Variants in PBK observed in about 807,000 individuals in gnomAD.
PBK encodes lymphokine-activated killer T-cell-originated protein kinase.
PBK carries 22 observed loss-of-function variants against 33.5 expected under a neutral mutation model. The ratio of observed to expected loss-of-function variants is 0.66; its 90% CI spans 0.47 to 0.94. The LOEUF (loss-of-function observed/expected upper bound fraction) is 0.94. Ranked by LOEUF, PBK falls within the 40% of genes least tolerant of loss-of-function variation. The probability of loss-of-function intolerance (pLI) is 0.00; values close to 1 mark genes in which losing one functional copy is unlikely to be tolerated. For missense variants in PBK, 376 were observed against 383.4 expected, an observed-to-expected ratio of 0.98 and a Z score of 0.16; for synonymous variants, 129 against 123.8, an observed-to-expected ratio of 1.04 and a Z score of -0.28.
rs548632577 is a variant in PBK, at chr8:27,810,226, A to G, written c.*79T>C. 7 of 962,838 alleles carry G rather than the reference A, an allele frequency of 7.3e-6. No individual in the cohort carries two copies. Among genetic ancestry groups the G allele is most frequent in the African/African-American group, 6.6e-5 (4 of 60,706 alleles). The allele number at this position is 962,838 out of a possible 1,614,324, so 59.6% of individuals were successfully genotyped here. On this transcript the variant is annotated 3_prime_UTR_variant, in exon 8 of 8. Transcript: ENST00000301905. The stretch of plus-strand genomic sequence containing the variant: ...TCAAATATGCCAATTTTAGAGTCTA[A>G]TAACTACTGATAGTAACTATGTAAA...
In PBK at chr8:27,820,549, T is replaced by G. The variant is rs200391452; in HGVS notation, c.595+16A>C. 6.7e-7 allele frequency: 1 copy of G among 1,488,798 alleles called. No homozygotes were observed. The highest frequency in any genetic ancestry group is 9.2e-7 in the Non-Finnish European group (1 of 1,091,176). The allele number at this position is 1,488,798 out of a possible 1,614,324, so 92.2% of individuals were successfully genotyped here. A position where few individuals can be genotyped will look rare whatever the true frequency, so the allele number is the denominator to read the frequency against. On this transcript the variant is annotated intron_variant, in intron 6 of 7. Transcript: ENST00000301905. ...GTATTAAAAACAAAATTTTAAAACT[T>G]AAGAGTACAACTTACCAGTCATATT...
intron 1 of PBK, among the ~76,000 whole-genome samples, chr8:27,837,056 G>T (rs1186466440): frequency 6.8e-6 from 1 of 147,526 alleles, no homozygotes; most frequent in Non-Finnish European, 1.5e-5. Context: ...AGGTTCTCAT[G>T]AAGATGACAG....
At position 27,823,022 on chromosome 8, in the gene PBK, C is replaced by G. The variant is rs189152903; in HGVS notation, c.295+41G>C. 16 of 1,389,534 alleles carry G rather than the reference C, an allele frequency of 1.2e-5. No homozygotes were observed. The Admixed American group carries it at 3.0e-4, about 26-fold the overall frequency. 86.1% of individuals were successfully genotyped at this position (1,389,534 alleles called of 1,614,324 possible). A position where few individuals can be genotyped will look rare whatever the true frequency, so the allele number is the denominator to read the frequency against. On this transcript the variant is annotated intron_variant, in intron 4 of 7. Coordinates refer to ENST00000301905, the MANE Select transcript of PBK (RefSeq NM_018492.4). The stretch of plus-strand genomic sequence containing the variant: ...AGCATATAAGCTGTTTCTGAATAAA[C>G]AAAATAATATACCAGATACTGCTAC...
intron 1 of PBK, among the ~76,000 whole-genome samples, chr8:27,836,355 T>G (rs1806228214): frequency 6.6e-6 from 1 of 151,930 alleles, no homozygotes; most frequent in African/African-American, 2.4e-5. Flanking sequence ...TCTACTCAAC[T>G]GTAGTCACAG....
chr8:27,826,513 G>A (rs1806025916), intron 3 of PBK, among the ~76,000 whole-genome samples: 1 of 152,178 alleles, frequency 6.6e-6, no homozygotes, highest in African/African-American at 2.4e-5. Context: ...GGGTCAGGCA[G>A]GCACTGCTGT....
chr8:27,837,080 G>A (rs571995265), intron 1 of PBK, among the ~76,000 whole-genome samples: 1 of 152,236 alleles, frequency 6.6e-6, no homozygotes, highest in South Asian at 2.1e-4. Context: ...AAAAAACAGT[G>A]AATATTTAGA....
chr8:27,833,644 T>C (rs1180295817), intron 1 of PBK, among the ~76,000 whole-genome samples: 2 of 152,182 alleles, frequency 1.3e-5, no homozygotes, highest in East Asian at 1.9e-4. Context: ...GTACAATTAC[T>C]TACCCCCATC....
chr8:27,809,735 A>C lies in PBK; in HGVS notation c.*570T>G, dbSNP rs1468083057. 1 of 151,522 alleles carries C rather than the reference A, an allele frequency of 6.6e-6. No individual in the cohort carries two copies. Among genetic ancestry groups the C allele is most frequent in the African/African-American group, 2.4e-5 (1 of 41,002 alleles). 9.4% of individuals were successfully genotyped at this position (151,522 alleles called of 1,614,324 possible). ...AATAAATTTTAAACTCAGTATGGAAAATACATTTAATAAATTAAAGCAAAA... is the reference window on the plus strand; with the variant it reads ...AATAAATTTTAAACTCAGTATGGAACATACATTTAATAAATTAAAGCAAAA... On this transcript the variant is annotated 3_prime_UTR_variant, in exon 8 of 8. Transcript: ENST00000301905.
Position 27,820,563 on chromosome 8 carries a change from AC to A in PBK, c.595+1del. Reference sequence around the variant, plus strand: ...ATTTTAAAACTTAAGAGTACAACTTACCAGTCATATTTTCATCCAGTGGTAG... The same window carrying A: ...ATTTTAAAACTTAAGAGTACAACTTACAGTCATATTTTCATCCAGTGGTAG... On this transcript the variant is annotated splice_donor_variant, in intron 6 of 7. Transcript: ENST00000301905. LOFTEE classifies it high-confidence loss of function. 6.4e-7 allele frequency: 1 copy of A among 1,552,046 alleles called. No homozygotes were observed. The highest frequency in any genetic ancestry group is 8.8e-7 in the Non-Finnish European group (1 of 1,139,294).
At position 27,820,716 on chromosome 8, in the gene PBK, C is replaced by T. The variant is rs751696715; in HGVS notation, c.466-22G>A. The stretch of plus-strand genomic sequence containing the variant: ...GATACTAAAATAGTAAAAAATTTAA[C>T]ACATATGTGCAGAAACACAAACTAA... On this transcript the variant is annotated intron_variant, in intron 5 of 7. Transcript: ENST00000301905. 1.1e-5 allele frequency: 16 copies of T among 1,402,766 alleles called. No homozygotes were observed. The South Asian group carries it at 1.9e-4, about 17-fold the overall frequency. The allele number at this position is 1,402,766 out of a possible 1,614,324, so 86.9% of individuals were successfully genotyped here.
intron 3 of PBK, among the ~76,000 whole-genome samples, chr8:27,825,820 A>AAGAT (rs1235857457): frequency 6.6e-6 from 1 of 152,234 alleles, no homozygotes; most frequent in African/African-American, 2.4e-5. Flanking sequence ...TCTCAGAAAA[A>AAGAT]AGATAGCGAA....
intron 6 of PBK, among the ~76,000 whole-genome samples, chr8:27,815,726 C>T (rs978916095): frequency 7.2e-5 from 11 of 152,160 alleles, no homozygotes; most frequent in African/African-American, 2.7e-4. Context: ...ATTTGAGACT[C>T]GAACCACAAG....
At chr8:27,813,901 TATG>T (rs1563488246) in intron 6 of PBK, among the ~76,000 whole-genome samples, 1 of 151,120 alleles carries the variant, frequency 6.6e-6, no homozygotes, top group Admixed American at 6.6e-5. Context: ...GATATTGGAC[TATG>T]ATTTTTTTTT....
At position 27,810,003 on chromosome 8, in the gene PBK, G is replaced by C. The variant is rs899022993; in HGVS notation, c.*302C>G. On this transcript the variant is annotated 3_prime_UTR_variant, in exon 8 of 8. Transcript: ENST00000301905. Reference sequence around the variant, plus strand: ...AAGAAAGATCATTAATAAAAGTAATGGTCATTCAATTTAATGTTACAGTTT... The same window carrying C: ...AAGAAAGATCATTAATAAAAGTAATCGTCATTCAATTTAATGTTACAGTTT... The C allele has an allele frequency of 3.3e-6, 1 of 300,878 alleles. No individual in the cohort carries two copies. The highest frequency in any genetic ancestry group is 6.1e-6 in the Non-Finnish European group (1 of 163,418). 18.6% of individuals were successfully genotyped at this position (300,878 alleles called of 1,614,324 possible).
At chr8:27,823,334 G>A in intron 3 of PBK, 129 bp from the exon 4 acceptor site, 1 of 600,386 alleles carries the variant, frequency 1.7e-6, no homozygotes, top group Non-Finnish European at 2.9e-6. Context: ...AAAATAGTTT[G>A]GACTATGAAC....
At chr8:27,833,450 G>A (rs952398009) in intron 1 of PBK, among the ~76,000 whole-genome samples, 12 of 151,900 alleles carry the variant, frequency 7.9e-5, no homozygotes, top group African/African-American at 2.4e-4. Context: ...CAGAGGTTGC[G>A]GTGAGCCGAG....
Position 27,823,197 on chromosome 8 carries a change from C to T in PBK, c.161G>A (p.Arg54Lys), listed in dbSNP as rs1454361287. 1 of 1,500,818 alleles carries T rather than the reference C, an allele frequency of 6.7e-7. No individual in the cohort carries two copies. The highest frequency in any genetic ancestry group is 9.1e-7 in the Non-Finnish European group (1 of 1,104,336). 93.0% of individuals were successfully genotyped at this position (1,500,818 alleles called of 1,614,324 possible). A position where few individuals can be genotyped will look rare whatever the true frequency, so the allele number is the denominator to read the frequency against. ...AGCCCAAGGAGAATGAGACAAACCT[C>T]TTGGAGATCTAAGAAAAAAATTCAT... Reference protein sequence around the residue: ...VNVYLMKRSPRGLSHSPWAVK... With the variant: ...VNVYLMKRSPKGLSHSPWAVK... Residue 54 changes from arginine (R) to lysine (K), a missense_variant, in exon 4 of 8, where the codon AGA becomes AAA. Physicochemically the swap from Arg to Lys is conservative, Grantham distance 26. Coordinates refer to ENST00000301905, the MANE Select transcript of PBK (RefSeq NM_018492.4).
chr8:27,827,365 G>A (rs1196800014), intron 3 of PBK, among the ~76,000 whole-genome samples: 5 of 152,238 alleles, frequency 3.3e-5, no homozygotes, highest in Non-Finnish European at 5.9e-5. Context: ...TGGCCAACAT[G>A]GCAAAACCCT....
intron 3 of PBK, among the ~76,000 whole-genome samples, chr8:27,826,037 C>T (rs1806017992): frequency 6.6e-6 from 1 of 152,134 alleles, no homozygotes; most frequent in African/African-American, 2.4e-5. Flanking sequence ...TTTCAGAATG[C>T]TACCGACATA....
Sources: gnomAD v4.1 joint callset for allele counts (sites outside exome capture counted in the v4.1 genomes callset) on GRCh38, gnomAD v4.1.1 for gene constraint, MANE v1.5 for transcripts, NCBI Gene and HGNC (gene_info 2026-07-23, HGNC 2026-07-21) for gene names.